PCBP3: variants seen among roughly 807,000 people sequenced by gnomAD.
The protein encoded by PCBP3 is poly(rC)-binding protein 3.
In PCBP3, 25 loss-of-function variants were observed where a neutral mutation model predicts 52.7. The observed-to-expected ratio is 0.47, with a 90% CI of 0.35 to 0.66. PCBP3 has a LOEUF of 0.66. Among genes scored for constraint, PCBP3 ranks in the 30% least tolerant of loss-of-function variants. The pLI, the probability that PCBP3 is intolerant of heterozygous loss-of-function variation, is 0.01. For synonymous variants in PCBP3, 162 were observed against 183.0 expected (o/e 0.89, Z 0.93); for missense variants, 391 against 490.3 (o/e 0.80, Z 1.91).
At chr21:45,684,666 C>A (rs1301788040) in intron 2 of PCBP3, among the ~76,000 whole-genome samples, 1 of 152,146 alleles carries the variant, frequency 6.6e-6, no homozygotes, top group East Asian at 1.9e-4. Context: ...TAAAAGCTTC[C>A]TGAGGCCTCA....
chr21:45,661,315 A>G (rs1026366605), intron 1 of PCBP3, among the ~76,000 whole-genome samples: 1 of 151,326 alleles, frequency 6.6e-6, no homozygotes, highest in African/African-American at 2.4e-5. Context: ...TCACCCTCCC[A>G]CCTTTCCAAA....
intron 1 of PCBP3, among the ~76,000 whole-genome samples, chr21:45,664,950 T>C (rs1360662255): frequency 6.6e-6 from 1 of 152,144 alleles, no homozygotes; most frequent in Non-Finnish European, 1.5e-5. Flanking sequence ...GGTTGTGTCA[T>C]CTACAGTTTC....
intron 4 of PCBP3, among the ~76,000 whole-genome samples, chr21:45,803,233 T>C (rs2838999): frequency 0.18 from 27,571 of 152,218 alleles, 2,657 homozygotes; most frequent in Middle Eastern, 0.34. Context: ...GTAGTGGCCA[T>C]GCAAGGGTAT....
intron 4 of PCBP3, among the ~76,000 whole-genome samples, chr21:45,775,407 C>T (rs1049728486): frequency 2.6e-5 from 4 of 151,578 alleles, no homozygotes; most frequent in Non-Finnish European, 4.4e-5. Flanking sequence ...TGGTTCTTCT[C>T]TCTTCTTTTT....
intron 5 of PCBP3, among the ~76,000 whole-genome samples, chr21:45,857,757 T>G (rs1426341504): frequency 6.6e-6 from 1 of 152,152 alleles, no homozygotes; most frequent in African/African-American, 2.4e-5. Context: ...CAAATATTAT[T>G]TTGTAGAGTT....
In PCBP3 at chr21:45,729,035, G is replaced by A. The variant is rs1026130773; in HGVS notation, c.-199-6357G>A. Among the ~76,000 whole-genome samples, 3 of 152,074 alleles carry A rather than the reference G, an allele frequency of 2.0e-5. No homozygotes were observed. In the East Asian group the frequency reaches 5.8e-4, roughly 29 times the overall value. ...TTTTTCAAAACTTTTTTGTTACCAC[G>A]AAGGAATACCTCCCACCCATTAAGT... On this transcript the variant is annotated intron_variant, in intron 2 of 17. Coordinates refer to ENST00000681687, the MANE Select transcript of PCBP3 (RefSeq NM_001384156.1).
intron 5 of PCBP3, among the ~76,000 whole-genome samples, chr21:45,873,971 C>A (rs2095143844): frequency 6.6e-6 from 1 of 152,212 alleles, no homozygotes; most frequent in Admixed American, 6.5e-5. Context: ...CCGATATTGC[C>A]CAGCCTGGGC....
In PCBP3 at chr21:45,750,291, G is replaced by A. The variant is rs1386117105; in HGVS notation, c.-161-5126G>A. Reference sequence around the variant, plus strand: ...TCCTGCATCTTGTGACGTTTCCCCAGGACTTAGCCGTGGTTGGTTTCTGCC... The same window carrying A: ...TCCTGCATCTTGTGACGTTTCCCCAAGACTTAGCCGTGGTTGGTTTCTGCC... On this transcript the variant is annotated intron_variant, in intron 3 of 17. Coordinates refer to ENST00000681687, the MANE Select transcript of PCBP3 (RefSeq NM_001384156.1). 10 of 152,112 alleles carry A rather than the reference G, an allele frequency of 6.6e-5. No individual in the cohort carries two copies. In the East Asian group the frequency reaches 1.9e-3, roughly 29 times the overall value. The allele number at this position is 152,112 out of a possible 1,614,324, so 9.4% of individuals were successfully genotyped here.
intron 5 of PCBP3, chr21:45,872,604 G>A (rs1260041575): frequency 6.6e-6 from 1 of 152,220 alleles, no homozygotes; most frequent in Non-Finnish European, 1.5e-5. Context: ...CTTCTACAGT[G>A]GAGCAGCCTG....
At chr21:45,856,341 T>A (rs1200302590) in intron 5 of PCBP3, among the ~76,000 whole-genome samples, 2 of 152,230 alleles carry the variant, frequency 1.3e-5, no homozygotes, top group Admixed American at 1.3e-4. Flanking sequence ...GGCCTTCAGA[T>A]AGTAACTTAA....
chr21:45,920,461 T>C (rs2074281621), intron 13 of PCBP3, among the ~76,000 whole-genome samples: 1 of 152,250 alleles, frequency 6.6e-6, no homozygotes, highest in Non-Finnish European at 1.5e-5. Context: ...ATTAGTTTAA[T>C]GTATAACTAA....
rs1373977123 is a variant in PCBP3 at position 45,736,362 on chromosome 21, G to C, written c.-162+933G>C. ...GCAGAGTAAGAAGAGCTGCCTTGTT[G>C]ATGGGACGTGGGTCGGAGCTCCCAG... On this transcript the variant is annotated intron_variant, in intron 3 of 17. Transcript: ENST00000681687. The surrounding 1 kb of genome is among the most constrained non-coding windows in gnomAD (Gnocchi z 4.6). Among the ~76,000 whole-genome samples the C allele has an allele frequency of 6.6e-6, 1 of 152,232 alleles. No individual in the cohort carries two copies. The highest frequency in any genetic ancestry group is 2.4e-5 in the African/African-American group (1 of 41,462).
At chr21:45,770,399 G>A (rs551390105) in intron 4 of PCBP3, among the ~76,000 whole-genome samples, 1 of 152,192 alleles carries the variant, frequency 6.6e-6, no homozygotes, top group South Asian at 2.1e-4. Context: ...GTCTCTGAAA[G>A]CACATAGCAG....
chr21:45,739,730 T>C (rs2086273141), intron 3 of PCBP3, among the ~76,000 whole-genome samples: 1 of 147,184 alleles, frequency 6.8e-6, no homozygotes. Flanking sequence ...CTGTCCATTG[T>C]GCTCTGGGTG....
intron 4 of PCBP3, among the ~76,000 whole-genome samples, chr21:45,818,444 T>G (rs1376369381): frequency 6.6e-6 from 1 of 152,234 alleles, no homozygotes; most frequent in Admixed American, 6.5e-5. Flanking sequence ...AGAGCTCCAC[T>G]GCCCCCATGC....
intron 4 of PCBP3, among the ~76,000 whole-genome samples, chr21:45,790,411 G>GC (rs777766097): frequency 1.3e-5 from 2 of 152,152 alleles, no homozygotes; most frequent in Admixed American, 6.5e-5. Flanking sequence ...AAGGTGGGAC[G>GC]CCGTGCCATT....
At chr21:45,662,359 A>C (rs1179053272) in intron 1 of PCBP3, among the ~76,000 whole-genome samples, 1 of 138,946 alleles carries the variant, frequency 7.2e-6, no homozygotes, top group Non-Finnish European at 1.5e-5. Context: ...GGGCTCAAGC[A>C]ATCTGCCTGC....
chr21:45,855,466 G>T (rs959693038), intron 5 of PCBP3, among the ~76,000 whole-genome samples: 1 of 152,162 alleles, frequency 6.6e-6, no homozygotes, highest in Non-Finnish European at 1.5e-5. Flanking sequence ...CCAGCACAGA[G>T]GGGGGCATGC....
At chr21:45,707,105 T>C (rs147117480) in intron 2 of PCBP3, among the ~76,000 whole-genome samples, 45 of 152,344 alleles carry the variant, frequency 3.0e-4, no homozygotes, top group Non-Finnish European at 5.1e-4. Context: ...GGAGTAATGC[T>C]TTCTACTTGG....
Sources: gnomAD v4.1 joint callset for allele counts (sites outside exome capture counted in the v4.1 genomes callset) on GRCh38, gnomAD v4.1.1 for gene constraint, Gnocchi (gnomAD v3.1) non-coding constraint, MANE v1.5 for transcripts, NCBI Gene and HGNC (gene_info 2026-07-23, HGNC 2026-07-21) for gene names.